CFAP43: variants seen among roughly 807,000 people sequenced by gnomAD.
CFAP43 encodes the protein cilia and flagella associated protein 43.
CFAP43 carries 155 observed loss-of-function variants against 218.9 expected under a neutral mutation model. The ratio of observed to expected loss-of-function variants is 0.71; its 90% CI spans 0.62 to 0.81. The LOEUF (loss-of-function observed/expected upper bound fraction) is 0.81. Ranked by LOEUF, CFAP43 falls within the 30% of genes least tolerant of loss-of-function variation. The pLI is 0.00. For synonymous variants in CFAP43, 645 were observed against 681.3 expected (o/e 0.95, Z 0.83); for missense variants, 1,778 against 1,954.3 (o/e 0.91, Z 1.70).
intron 30 of CFAP43, 93 bp downstream of exon 30, chr10:104,146,170 G>T: frequency 1.0e-6 from 1 of 993,910 alleles, no homozygotes; most frequent in Non-Finnish European, 1.5e-6. Flanking sequence ...AAAAATCTGT[G>T]AGAAAATTAT....
At chr10:104,177,740 A>G (rs767172698) in intron 19 of CFAP43, among the ~76,000 whole-genome samples, 1 of 152,332 alleles carries the variant, frequency 6.6e-6, no homozygotes, top group African/African-American at 2.4e-5. Context: ...AGAGGATTCT[A>G]TAAGTCTCCA....
chr10:104,193,937 G>A lies in CFAP43; in HGVS notation c.1371C>T (p.Ser457=), dbSNP rs755014143. The A allele has an allele frequency of 5.6e-6, 9 of 1,613,938 alleles. No homozygotes were observed. The East Asian group carries it at 8.9e-5, about 16-fold the overall frequency. The part of the protein sequence containing the change: ...GTEDGSVYFI[S]VYDKESPQVV... ...CCTGAGGGGATTCCTTATCATATAC[G>A]CTGATGAAGTAGACCGAGCCATCCT... Residue 457 remains serine (S), a synonymous_variant, in exon 11 of 38, where the codon AGC becomes AGT. Transcript: ENST00000357060.
chr10:104,231,699 TC>T (rs1272913752), intron 1 of CFAP43, among the ~76,000 whole-genome samples: 4 of 152,096 alleles, frequency 2.6e-5, no homozygotes, highest in Non-Finnish European at 5.9e-5. Flanking sequence ...TTGATGCTTT[TC>T]AAAGGCTACT....
chr10:104,210,402 T>A (rs374140992), intron 5 of CFAP43, among the ~76,000 whole-genome samples: 112 of 152,396 alleles, frequency 7.3e-4, no homozygotes, highest in African/African-American at 2.6e-3. Flanking sequence ...GGAGTCTCGC[T>A]GTCACCCAGG....
At chr10:104,157,736 A>ATGTGTGTGTGTGTGTG (rs71485761) in intron 27 of CFAP43, among the ~76,000 whole-genome samples, 2 of 107,222 alleles carry the variant, frequency 1.9e-5, no homozygotes, top group African/African-American at 9.0e-5. Flanking sequence ...AGCTAACTGG[A>ATGTGTGTGTGTGTGTG]TGTGTGTGTG....
At position 104,167,752 on chromosome 10, in the gene CFAP43, C is replaced by A; in HGVS notation, c.2692-15G>T. ...ATATGAAAACACTTGGGGAAAAAAA[C>A]GCAAGACAAAATAAATCCATTTGTA... On this transcript the variant is annotated splice_polypyrimidine_tract_variant and intron_variant, in intron 21 of 37. Coordinates refer to ENST00000357060, the MANE Select transcript of CFAP43 (RefSeq NM_025145.7). The A allele has an allele frequency of 3.8e-6, 6 of 1,577,688 alleles. No homozygotes were observed. The highest frequency in any genetic ancestry group is 1.2e-5 in the South Asian group (1 of 86,184).
chr10:104,192,150 T>C, intron 12 of CFAP43, 49 bp downstream of exon 12: 1 of 1,374,206 alleles, frequency 7.3e-7, no homozygotes. Flanking sequence ...TAACCTTAAA[T>C]TCTTTGAAAT....
intron 8 of CFAP43, among the ~76,000 whole-genome samples, chr10:104,202,340 C>T (rs2090557648): frequency 6.6e-6 from 1 of 152,188 alleles, no homozygotes; most frequent in Non-Finnish European, 1.5e-5. Flanking sequence ...AACAGTTTCA[C>T]TCTGGTAAGT....
chr10:104,170,113 T>C (rs1420126643), intron 20 of CFAP43, among the ~76,000 whole-genome samples: 1 of 152,106 alleles, frequency 6.6e-6, no homozygotes, highest in Admixed American at 6.5e-5. Flanking sequence ...GCTGAGTTTA[T>C]GGTGCCATCT....
chr10:104,232,279 C>G lies in CFAP43; in HGVS notation c.-33G>C, dbSNP rs1162235028. ...GTTTTCCTCAGGCGGGAGCAGGCAG[C>G]GCACGCAGCACCCCAGGGCGGGTCG... On this transcript the variant is annotated 5_prime_UTR_variant, in exon 1 of 38. Transcript: ENST00000357060. The G allele has an allele frequency of 1.3e-6, 2 of 1,571,640 alleles. No individual in the cohort carries two copies. The highest frequency in any genetic ancestry group is 1.7e-6 in the Non-Finnish European group (2 of 1,161,824).
intron 37 of CFAP43, 81 bp downstream of exon 37, chr10:104,131,250 T>C: frequency 6.7e-7 from 1 of 1,484,000 alleles, no homozygotes; most frequent in Non-Finnish European, 9.1e-7. Flanking sequence ...TGATAGCTTT[T>C]TAACTGTTGT....
intron 37 of CFAP43, 118 bp from the exon 38 acceptor site, chr10:104,130,423 T>C (rs923740088): frequency 3.4e-6 from 4 of 1,174,828 alleles, no homozygotes; most frequent in Admixed American, 2.6e-5. Context: ...TATGCACTTG[T>C]ATGTTTACAG....
Position 104,232,324 on chromosome 10 carries a change from G to C in CFAP43, c.-78C>G, listed in dbSNP as rs940795085. 4.3e-6 allele frequency: 6 copies of C among 1,401,684 alleles called. No individual in the cohort carries two copies. The highest frequency in any genetic ancestry group is 4.7e-6 in the Non-Finnish European group (5 of 1,060,814). 86.8% of individuals were successfully genotyped at this position (1,401,684 alleles called of 1,614,324 possible). ...GGGTCGGTTACCTTTCCGCCGCCGC[G>C]GGGCTGCGGGCCGCGACGCCGCTGC... On this transcript the variant is annotated 5_prime_UTR_variant, in exon 1 of 38. Coordinates refer to ENST00000357060, the MANE Select transcript of CFAP43 (RefSeq NM_025145.7).
chr10:104,181,733 GT>G (rs2089852755), intron 17 of CFAP43, among the ~76,000 whole-genome samples: 2 of 152,106 alleles, frequency 1.3e-5, no homozygotes, highest in South Asian at 4.2e-4. Flanking sequence ...TCTTTGCATG[GT>G]GGTGTTCTCT....
At chr10:104,179,422 A>G (rs891039443) in intron 18 of CFAP43, among the ~76,000 whole-genome samples, 1 of 152,224 alleles carries the variant, frequency 6.6e-6, no homozygotes, top group African/African-American at 2.4e-5. Flanking sequence ...GACTAGATCA[A>G]TAGGCTAAAT....
intron 3 of CFAP43, among the ~76,000 whole-genome samples, chr10:104,221,854 C>T (rs1245922573): frequency 6.6e-6 from 1 of 152,096 alleles, no homozygotes; most frequent in Non-Finnish European, 1.5e-5. Flanking sequence ...ATTAAATGCA[C>T]TAACCCATTG....
Position 104,133,781 on chromosome 10 carries a change from G to A in CFAP43, c.4435C>T (p.Gln1479Ter), listed in dbSNP as rs745503007. 15 of 1,602,590 alleles carry A rather than the reference G, an allele frequency of 9.4e-6. No individual in the cohort carries two copies. The highest frequency in any genetic ancestry group is 1.3e-5 in the African/African-American group (1 of 74,136). The change falls in exon 35 of 38, where the codon CAA becomes TAA. Residue 1479 changes from glutamine to a stop codon, truncating the protein, a stop_gained. Coordinates refer to ENST00000357060, the MANE Select transcript of CFAP43 (RefSeq NM_025145.7). LOFTEE classifies it high-confidence loss of function. Reference sequence around the variant, plus strand: ...ATGCTAGCAACTTTCTTTTGTCCTTGAGTCTTTAAAAAAGTACATTAGATA... The same window carrying A: ...ATGCTAGCAACTTTCTTTTGTCCTTAAGTCTTTAAAAAAGTACATTAGATA... ...IEDLNSVIRT[Q>*]GQKKVASMME...
chr10:104,194,134 G>A (rs2090316856), intron 10 of CFAP43, 120 bp from the exon 11 acceptor site: 2 of 1,189,468 alleles, frequency 1.7e-6, no homozygotes, highest in South Asian at 1.6e-5. Context: ...AGTGTTGTGT[G>A]GTGGGGTCTT....
At chr10:104,207,522 T>C in intron 6 of CFAP43, 143 bp downstream of exon 6, 1 of 712,382 alleles carries the variant, frequency 1.4e-6, no homozygotes, top group African/African-American at 1.8e-5. Flanking sequence ...AAAGTGATGG[T>C]AGAATGCCAA....
Sources: gnomAD v4.1 joint callset for allele counts (sites outside exome capture counted in the v4.1 genomes callset) on GRCh38, gnomAD v4.1.1 for gene constraint, MANE v1.5 for transcripts, NCBI Gene and HGNC (gene_info 2026-07-23, HGNC 2026-07-21) for gene names.